The following NOMO1 variants were observed in gnomAD, a reference collection of about 807,000 sequenced individuals.
The protein encoded by NOMO1 is nodal modulator 3.
A neutral mutation model predicts 133.8 loss-of-function variants in NOMO1; 40 were observed. The observed-to-expected ratio is 0.30, with a 90% confidence interval of 0.23 to 0.39. The LOEUF is 0.39. Ranked by LOEUF, NOMO1 falls within the 10% of genes least tolerant of loss-of-function variation. The pLI, the probability that NOMO1 is intolerant of heterozygous loss-of-function variation, is 1.00. For missense variants in NOMO1, 462 were observed against 1,419.9 expected, an observed-to-expected ratio of 0.33 and a Z score of 10.84; for synonymous variants, 236 against 570.5, an observed-to-expected ratio of 0.41 and a Z score of 8.36.
intron 2 of NOMO1, among the ~76,000 whole-genome samples, chr16:14,840,726 A>G (rs1293770255): frequency 1.7e-4 from 25 of 148,456 alleles, no homozygotes; most frequent in Middle Eastern, 3.4e-3. Context: ...CAGGGGCACA[A>G]TTATGGTTCA....
intron 5 of NOMO1, 23 bp downstream of exon 5, chr16:14,846,706 G>C: frequency 1.1e-6 from 1 of 944,794 alleles, no homozygotes. Context: ...CTGTCTCTTA[G>C]TGTTGCCTTA....
At position 14,864,879 on chromosome 16, in the gene NOMO1, C is replaced by A. The variant is rs531951634; in HGVS notation, c.1538-145C>A. On this transcript the variant is annotated intron_variant, in intron 13 of 30. Coordinates refer to ENST00000287667, the MANE Select transcript of NOMO1 (RefSeq NM_014287.4). ...TTGGAGTCAAGTGGGTGCATGTTAG[C>A]TTGAAAGAAGCACTCCGTCTGCCTC... is the stretch of plus-strand genomic sequence containing the variant. 8 of 1,205,206 alleles carry A rather than the reference C, an allele frequency of 6.6e-6. No homozygotes were observed. The African/African-American group carries it at 1.1e-4, about 16-fold the overall frequency. 74.7% of individuals were successfully genotyped at this position (1,205,206 alleles called of 1,614,324 possible).
Position 14,833,909 on chromosome 16 carries a change from GTGC to G in NOMO1, c.67_69del (p.Leu23del). On this transcript the variant is annotated inframe_deletion, in exon 1 of 31. Transcript: ENST00000287667. Reference sequence around the variant, plus strand: ...GCCCGCGGTGGTCACCGCCGCGGTGGTGCTGCTGCTGAGCGGCGTGGGGCCGGC... The same window carrying G: ...GCCCGCGGTGGTCACCGCCGCGGTGGTGCTGCTGAGCGGCGTGGGGCCGGC... 1 of 695,658 alleles carries G rather than the reference GTGC, an allele frequency of 1.4e-6. No homozygotes were observed. The highest frequency in any genetic ancestry group is 2.0e-6 in the Non-Finnish European group (1 of 498,898). 43.1% of individuals were successfully genotyped at this position (695,658 alleles called of 1,614,324 possible). A position where few individuals can be genotyped will look rare whatever the true frequency, so the allele number is the denominator to read the frequency against.
intron 23 of NOMO1, 38 bp from the exon 24 acceptor site, chr16:14,879,977 G>A: frequency 6.2e-7 from 1 of 1,611,610 alleles, no homozygotes; most frequent in Non-Finnish European, 8.5e-7. Context: ...GCCATGCCTA[G>A]ATGTGGCTGC....
intron 17 of NOMO1, 139 bp from the exon 18 acceptor site, chr16:14,872,095 T>G: frequency 2.3e-6 from 2 of 874,448 alleles, no homozygotes; most frequent in Non-Finnish European, 1.9e-6. Flanking sequence ...CTTCTCTGGA[T>G]CTCCAGAGTT....
chr16:14,889,657 T>G (rs1054357693), intron 29 of NOMO1, among the ~76,000 whole-genome samples: 3 of 151,760 alleles, frequency 2.0e-5, no homozygotes, highest in Admixed American at 2.0e-4. Flanking sequence ...CTCCTGGCAT[T>G]GGGTCACTTT....
rs773243782 is a variant in NOMO1 at position 14,866,699 on chromosome 16, C to G, written c.1806+8C>G. The stretch of plus-strand genomic sequence containing the variant: ...TCTCACGCCATCACTCTGGTATGTA[C>G]GGCTTATTGAGTCTCTTATTTGGAA... On this transcript the variant is annotated splice_region_variant and intron_variant, in intron 15 of 30. Transcript: ENST00000287667. The G allele has an allele frequency of 1.6e-4, 253 of 1,609,786 alleles. 4 individuals carry two copies. The highest frequency in any genetic ancestry group is 2.1e-4 in the Non-Finnish European group (246 of 1,179,678).
chr16:14,869,869 G>A (rs1451811247), intron 16 of NOMO1, among the ~76,000 whole-genome samples: 2 of 143,172 alleles, frequency 1.4e-5, no homozygotes, highest in Admixed American at 7.2e-5. Flanking sequence ...AGCAATGCAC[G>A]AGGGTTCCGG....
At chr16:14,891,703 A>C in intron 29 of NOMO1, among the ~76,000 whole-genome samples, 1 of 151,678 alleles carries the variant, frequency 6.6e-6, no homozygotes. Context: ...GTGGACAGGA[A>C]TTACCTTTCA....
At position 14,836,076 on chromosome 16, in the gene NOMO1, A is replaced by G. The variant is rs950390186; in HGVS notation, c.165+2060A>G. Among the ~76,000 whole-genome samples the G allele has an allele frequency of 3.3e-5, 5 of 151,932 alleles. 1 individual carries two copies. The highest frequency in any genetic ancestry group is 1.2e-4 in the African/African-American group (5 of 41,320). ...TTTCACATTAAAAACCGGGTTCTTT[A>G]TTTCTCTGGAAAGCCAGCCGATCTT... On this transcript the variant is annotated intron_variant, in intron 1 of 30. Transcript: ENST00000287667.
intron 9 of NOMO1, among the ~76,000 whole-genome samples, chr16:14,856,888 AT>A (rs1337440166): frequency 2.0e-5 from 3 of 151,602 alleles, no homozygotes; most frequent in Admixed American, 1.3e-4. Context: ...GTTCACCAAA[AT>A]GGGGGCATCT....
chr16:14,845,530 C>T (rs1050171229), intron 4 of NOMO1, among the ~76,000 whole-genome samples: 2 of 151,894 alleles, frequency 1.3e-5, no homozygotes, highest in East Asian at 1.9e-4. Context: ...TTTTTTGGAC[C>T]GCCACGGTGG....
chr16:14,842,615 CCA>C (rs1963622875), intron 3 of NOMO1, among the ~76,000 whole-genome samples: 1 of 151,466 alleles, frequency 6.6e-6, no homozygotes, highest in South Asian at 2.1e-4. Context: ...ACCCATGTAT[CCA>C]CCATCCAGAT....
At chr16:14,864,443 A>G in intron 12 of NOMO1, 142 bp from the exon 13 acceptor site, 4 of 1,471,476 alleles carry the variant, frequency 2.7e-6, no homozygotes, top group Non-Finnish European at 3.7e-6. Context: ...ATTTGTTGTG[A>G]TTGTAAAATC....
At chr16:14,893,865 G>GA (rs1223598491) in intron 29 of NOMO1, among the ~76,000 whole-genome samples, 1 of 151,992 alleles carries the variant, frequency 6.6e-6, no homozygotes, top group Non-Finnish European at 1.5e-5. Context: ...GTAGTCTCTG[G>GA]AAAAGTCCAC....
chr16:14,845,253 G>T (rs940316241), intron 4 of NOMO1, among the ~76,000 whole-genome samples: 5 of 151,988 alleles, frequency 3.3e-5, no homozygotes, highest in Admixed American at 1.3e-4. Context: ...GGCCAGGCTG[G>T]TCTCAAACTC....
intron 27 of NOMO1, among the ~76,000 whole-genome samples, chr16:14,884,917 G>A (rs1029240233): frequency 2.0e-5 from 3 of 152,016 alleles, no homozygotes; most frequent in Admixed American, 6.5e-5. Flanking sequence ...AACAAAAGAG[G>A]TTTCATTGGC....
chr16:14,882,557 C>T, intron 25 of NOMO1, 37 bp from the exon 26 acceptor site: 1 of 1,611,452 alleles, frequency 6.2e-7, no homozygotes, highest in Non-Finnish European at 8.5e-7. Flanking sequence ...ACGACAAGCC[C>T]CCTTTCTAGA....
chr16:14,857,097 G>T (rs945049781), intron 9 of NOMO1, 120 bp from the exon 10 acceptor site: 1 of 1,250,814 alleles, frequency 8.0e-7, no homozygotes, highest in Non-Finnish European at 1.2e-6. Flanking sequence ...GGCACTGAGT[G>T]TTGGGAGGTG....
Sources: allele counts gnomAD v4.1 joint callset (sites outside exome capture counted in the v4.1 genomes callset), GRCh38; gene constraint gnomAD v4.1.1; transcripts MANE v1.5; gene names NCBI Gene and HGNC (gene_info 2026-07-23, HGNC 2026-07-21).